NCR3LG1: variants seen among roughly 807,000 people sequenced by gnomAD.
The protein encoded by NCR3LG1 is natural cytotoxicity triggering receptor 3 ligand 1.
A neutral mutation model predicts 34.8 loss-of-function variants in NCR3LG1; 35 were observed. That is an observed-to-expected ratio of 1.01 (90% CI 0.77 to 1.33). NCR3LG1 has a LOEUF of 1.33. NCR3LG1 is among the 40% of genes most tolerant of loss of function. The probability of loss-of-function intolerance (pLI) is 0.00; values close to 1 mark genes in which losing one functional copy is unlikely to be tolerated. For missense variants in NCR3LG1, 452 were observed against 423.3 expected (o/e 1.07, Z -0.60); for synonymous variants, 173 against 163.6 (o/e 1.06, Z -0.44).
intron 2 of NCR3LG1, among the ~76,000 whole-genome samples, chr11:17,360,353 C>T (rs940187785): frequency 6.6e-6 from 1 of 152,178 alleles, no homozygotes; most frequent in African/African-American, 2.4e-5. Context: ...TTTTCATTCT[C>T]TTAACAATGT....
intron 1 of NCR3LG1, among the ~76,000 whole-genome samples, chr11:17,352,936 C>T (rs1296124638): frequency 6.6e-6 from 1 of 152,202 alleles, no homozygotes; most frequent in African/African-American, 2.4e-5. Flanking sequence ...CAAGATGCTG[C>T]TTGACCCTTA....
chr11:17,356,388 G>A (rs1468858908), intron 1 of NCR3LG1, among the ~76,000 whole-genome samples: 1 of 151,806 alleles, frequency 6.6e-6, no homozygotes, highest in Non-Finnish European at 1.5e-5. Context: ...CTGCCTGCCT[G>A]GGCCTCCCAA....
intron 2 of NCR3LG1, among the ~76,000 whole-genome samples, chr11:17,364,149 T>C (rs1953318602): frequency 6.6e-6 from 1 of 152,166 alleles, no homozygotes; most frequent in Non-Finnish European, 1.5e-5. Context: ...ATTCTGGGGT[T>C]TTTTTTAAAT....
chr11:17,368,853 TTC>T lies in NCR3LG1; in HGVS notation c.761-6_761-5del, dbSNP rs1436371060. 5 of 1,505,606 alleles carry T rather than the reference TTC, an allele frequency of 3.3e-6. No individual in the cohort carries two copies. The highest frequency in any genetic ancestry group is 3.6e-6 in the Non-Finnish European group (4 of 1,119,346). The allele number at this position is 1,505,606 out of a possible 1,614,324, so 93.3% of individuals were successfully genotyped here. A position where few individuals can be genotyped will look rare whatever the true frequency, so the allele number is the denominator to read the frequency against. Reference sequence around the variant, plus strand: ...AGTAGGTTTCCTGCTAATGTTTTCCTTCTCTCTCTGCAGAAACTGAGAAGACA... The same window carrying T: ...AGTAGGTTTCCTGCTAATGTTTTCCTTCTCTCTGCAGAAACTGAGAAGACA... On this transcript the variant is annotated splice_polypyrimidine_tract_variant and intron_variant, in intron 3 of 4. Transcript: ENST00000338965.
chr11:17,360,158 G>C lies in NCR3LG1; in HGVS notation c.421+3157G>C, dbSNP rs565052349. Among the ~76,000 whole-genome samples, 14 of 152,200 alleles carry C rather than the reference G, an allele frequency of 9.2e-5. No individual in the cohort carries two copies. The East Asian group carries it at 2.3e-3, about 25-fold the overall frequency. ...TGGGCTCAAATGATCTGCGTGTCTC[G>C]GCCTCCCAAAGTACTGGGAATTGTA... On this transcript the variant is annotated intron_variant, in intron 2 of 4. Coordinates refer to ENST00000338965, the MANE Select transcript of NCR3LG1 (RefSeq NM_001202439.3).
In NCR3LG1 at chr11:17,375,851, C is replaced by A. The variant is rs1953470722; in HGVS notation, c.*3339C>A. ...AGGGAAATAAAGCCTCAGTATTCCC[C>A]TACAGAGATAGAATGGGCCACCTCT... On this transcript the variant is annotated 3_prime_UTR_variant, in exon 5 of 5. Coordinates refer to ENST00000338965, the MANE Select transcript of NCR3LG1 (RefSeq NM_001202439.3). 6.6e-6 allele frequency: 1 copy of A among 152,142 alleles called. No individual in the cohort carries two copies. Among genetic ancestry groups the A allele is most frequent in the African/African-American group, 2.4e-5 (1 of 41,436 alleles). 9.4% of individuals were successfully genotyped at this position (152,142 alleles called of 1,614,324 possible). A position where few individuals can be genotyped will look rare whatever the true frequency, so the allele number is the denominator to read the frequency against.
At chr11:17,364,505 G>C (rs547340840) in intron 2 of NCR3LG1, among the ~76,000 whole-genome samples, 1 of 150,830 alleles carries the variant, frequency 6.6e-6, no homozygotes, top group Non-Finnish European at 1.5e-5. Context: ...AGTTTGGGAA[G>C]TTTCTATTAA....
At chr11:17,353,496 A>AGTGGCGCCAGTGGG (rs1953164807) in intron 1 of NCR3LG1, among the ~76,000 whole-genome samples, 2 of 152,312 alleles carry the variant, frequency 1.3e-5, no homozygotes, top group South Asian at 4.1e-4. Context: ...TCGAGCTCGA[A>AGTGGCGCCAGTGGG]GTGGCGCCAG....
intron 1 of NCR3LG1, 126 bp downstream of exon 1, chr11:17,352,165 C>T: frequency 2.1e-6 from 1 of 468,232 alleles, no homozygotes; most frequent in Non-Finnish European, 3.7e-6. Flanking sequence ...ATTTTCTTTT[C>T]TATTTCTTCT....
At chr11:17,369,419 C>A (rs1428604588) in intron 4 of NCR3LG1, among the ~76,000 whole-genome samples, 2 of 152,196 alleles carry the variant, frequency 1.3e-5, no homozygotes, top group African/African-American at 4.8e-5. Flanking sequence ...CTAAGAATTT[C>A]TAACCCTCAC....
downstream of NCR3LG1, among the ~76,000 whole-genome samples, chr11:17,379,039 C>A (rs1232048944): frequency 6.6e-6 from 1 of 152,216 alleles, no homozygotes; most frequent in Admixed American, 6.5e-5. Context: ...CAGCACTCAT[C>A]AATTTCTTAC....
At chr11:17,366,351 CCTTTT>C (rs754566672) in intron 2 of NCR3LG1, among the ~76,000 whole-genome samples, 1 of 152,094 alleles carries the variant, frequency 6.6e-6, no homozygotes, top group Non-Finnish European at 1.5e-5. Flanking sequence ...TTTAAGACAT[CCTTTT>C]AGTTTAAGGA....
chr11:17,357,077 G>T lies in NCR3LG1; in HGVS notation c.421+76G>T. The T allele has an allele frequency of 3.2e-6, 3 of 932,604 alleles. No individual in the cohort carries two copies. The South Asian group carries it at 5.2e-5, about 16-fold the overall frequency. The allele number at this position is 932,604 out of a possible 1,614,324, so 57.8% of individuals were successfully genotyped here. On this transcript the variant is annotated intron_variant, in intron 2 of 4. Transcript: ENST00000338965. ...AACAACAAAACCCACACACCTCTTT[G>T]AGCTCCACTTTCCTGTATTATAAAA...
In NCR3LG1 at chr11:17,375,186, T is replaced by C. The variant is rs1160669933; in HGVS notation, c.*2674T>C. ...CTCCTCAAGTATCAGACTTTGCTGC[T>C]AGAGGAATCTGCAGTCCAGTTAAAA... is the stretch of plus-strand genomic sequence containing the variant. On this transcript the variant is annotated 3_prime_UTR_variant, in exon 5 of 5. Coordinates refer to ENST00000338965, the MANE Select transcript of NCR3LG1 (RefSeq NM_001202439.3). 1 of 152,236 alleles carries C rather than the reference T, an allele frequency of 6.6e-6. No individual in the cohort carries two copies. The highest frequency in any genetic ancestry group is 1.5e-5 in the Non-Finnish European group (1 of 68,034). The allele number at this position is 152,236 out of a possible 1,614,324, so 9.4% of individuals were successfully genotyped here. A position where few individuals can be genotyped will look rare whatever the true frequency, so the allele number is the denominator to read the frequency against.
At chr11:17,381,009 C>T (rs1386107034), downstream of NCR3LG1, 5 of 152,162 alleles carry the variant, frequency 3.3e-5, no homozygotes, top group Non-Finnish European at 7.3e-5. Context: ...TTCCAAGATC[C>T]TATCAACTCC....
At chr11:17,352,683 G>C (rs1365160663) in intron 1 of NCR3LG1, among the ~76,000 whole-genome samples, 1 of 152,086 alleles carries the variant, frequency 6.6e-6, no homozygotes, top group Non-Finnish European at 1.5e-5. Context: ...TCAGGGAATC[G>C]GTAAATTGGA....
chr11:17,363,451 C>A (rs1953304517), intron 2 of NCR3LG1, among the ~76,000 whole-genome samples: 1 of 149,554 alleles, frequency 6.7e-6, no homozygotes, highest in African/African-American at 2.5e-5. Flanking sequence ...TCTTGTTCTT[C>A]TATATGTAAG....
chr11:17,367,849 G>T (rs1232910912), intron 3 of NCR3LG1, among the ~76,000 whole-genome samples: 1 of 147,624 alleles, frequency 6.8e-6, no homozygotes, highest in Non-Finnish European at 1.5e-5. Flanking sequence ...ATGGAGTTTC[G>T]CTCTTGTTGC....
rs1409898747 is a variant in NCR3LG1, at chr11:17,356,910, T to G, written c.330T>G (p.Pro110=). ...GTGGGGACGCCTCACTGCGGCTGCC[T>G]GGAATCCAGCTGGAGGAAGCAGGAG... ...LKSGDASLRL[P]GIQLEEAGEY... Residue 110 remains proline, a synonymous_variant, in exon 2 of 5, where the codon CCT becomes CCG. Transcript: ENST00000338965. 6 of 1,535,978 alleles carry G rather than the reference T, an allele frequency of 3.9e-6. No homozygotes were observed. The highest frequency in any genetic ancestry group is 5.2e-6 in the Non-Finnish European group (6 of 1,146,908).
Sources: gnomAD v4.1 joint callset for allele counts (sites outside exome capture counted in the v4.1 genomes callset) on GRCh38, gnomAD v4.1.1 for gene constraint, MANE v1.5 for transcripts, NCBI Gene and HGNC (gene_info 2026-07-23, HGNC 2026-07-21) for gene names.